PCCB: variants seen among roughly 807,000 people sequenced by gnomAD.
The protein encoded by PCCB is propionyl-CoA carboxylase beta chain, mitochondrial.
A neutral mutation model predicts 60.7 loss-of-function variants in PCCB; 43 were observed. That is an observed-to-expected ratio of 0.71 (90% CI 0.55 to 0.91). The LOEUF (loss-of-function observed/expected upper bound fraction) is 0.91. PCCB is among the 40% of genes least tolerant of loss of function. PCCB has a pLI of 0.00. For synonymous variants in PCCB, 276 were observed against 255.9 expected (o/e 1.08, Z -0.75); for missense variants, 766 against 702.8 (o/e 1.09, Z -1.02).
intron 7 of PCCB, among the ~76,000 whole-genome samples, chr3:136,295,850 T>A (rs1443616728): frequency 6.6e-6 from 1 of 151,966 alleles, no homozygotes; most frequent in Non-Finnish European, 1.5e-5. Context: ...TTTTTTTTTT[T>A]ACTTGACAGC....
chr3:136,285,381 G>A (rs898504643), intron 6 of PCCB, among the ~76,000 whole-genome samples: 4 of 151,652 alleles, frequency 2.6e-5, no homozygotes, highest in Admixed American at 6.6e-5. Context: ...CAGTCTGTCC[G>A]TTGGTACTAG....
chr3:136,324,567 G>A (rs1326846297), intron 10 of PCCB, among the ~76,000 whole-genome samples: 1 of 150,676 alleles, frequency 6.6e-6, no homozygotes, highest in African/African-American at 2.5e-5. Flanking sequence ...GGGTGCTTTT[G>A]AATGCACTAA....
intron 6 of PCCB, among the ~76,000 whole-genome samples, chr3:136,289,556 A>G (rs139746239): frequency 1.0e-3 from 153 of 152,102 alleles, no homozygotes; most frequent in African/African-American, 3.2e-3. Flanking sequence ...GACATCCCTT[A>G]TAGTTGTGTC....
chr3:136,297,979 ATGT>A lies in PCCB; in HGVS notation c.794_796del (p.Val265del). 1 of 1,614,134 alleles carries A rather than the reference ATGT, an allele frequency of 6.2e-7. No individual in the cohort carries two copies. Among genetic ancestry groups the A allele is most frequent in the Non-Finnish European group, 8.5e-7 (1 of 1,179,968 alleles). ...GTGGCCCACAGAGCTTTTGAAAATG[ATGT>A]TGATGCCTTGTGTAATCTCCGGGAT... On this transcript the variant is annotated inframe_deletion, in exon 8 of 15. Coordinates refer to ENST00000251654, the MANE Select transcript of PCCB (RefSeq NM_000532.5).
chr3:136,289,750 CTA>C (rs1933588306), intron 6 of PCCB, among the ~76,000 whole-genome samples: 1 of 141,418 alleles, frequency 7.1e-6, no homozygotes, highest in African/African-American at 2.8e-5. Flanking sequence ...ATTGAGCATT[CTA>C]TATGATTCCA....
At chr3:136,260,047 C>T (rs915459829) in intron 3 of PCCB, 6 of 264,136 alleles carry the variant, frequency 2.3e-5, no homozygotes, top group South Asian at 8.5e-5. Context: ...CCACCATGCC[C>T]GGGCAACTTT....
chr3:136,317,384 A>G lies in PCCB; in HGVS notation c.1090+320A>G, dbSNP rs1291921. Reference sequence around the variant, plus strand: ...CTACAGGCACATACCACCATACCTGACTAATTTTCTTTTTTTGTATTTTTG... The same window carrying G: ...CTACAGGCACATACCACCATACCTGGCTAATTTTCTTTTTTTGTATTTTTG... On this transcript the variant is annotated intron_variant, in intron 10 of 14. Coordinates refer to ENST00000251654, the MANE Select transcript of PCCB (RefSeq NM_000532.5). Among the ~76,000 whole-genome samples, 110,816 of 151,170 alleles carry G rather than the reference A, an allele frequency of 0.73. 40,768 individuals carry two copies. Among genetic ancestry groups the G allele is most frequent in the East Asian group, 0.86 (4,419 of 5,110 alleles).
intron 9 of PCCB, among the ~76,000 whole-genome samples, chr3:136,306,164 A>G (rs1934446400): frequency 8.1e-6 from 1 of 123,194 alleles, no homozygotes. Flanking sequence ...CTACAATAAG[A>G]AAACAAAAAG....
chr3:136,325,801 C>T (rs116668172), intron 10 of PCCB, among the ~76,000 whole-genome samples: 463 of 152,020 alleles, frequency 3.0e-3, no homozygotes, highest in African/African-American at 9.7e-3. Context: ...GGGATAAACC[C>T]CACTTGGACA....
At chr3:136,313,607 A>G (rs1366108025) in intron 9 of PCCB, among the ~76,000 whole-genome samples, 3 of 152,336 alleles carry the variant, frequency 2.0e-5, no homozygotes, top group East Asian at 1.9e-4. Flanking sequence ...GGGATGGGGA[A>G]GGAACACTAT....
intron 5 of PCCB, among the ~76,000 whole-genome samples, chr3:136,269,477 T>C (rs999553093): frequency 1.3e-5 from 2 of 152,224 alleles, no homozygotes; most frequent in Non-Finnish European, 2.9e-5. Context: ...TCATGTCTTC[T>C]GCAAATAGAG....
chr3:136,297,665 G>C (rs1054904895), intron 7 of PCCB, among the ~76,000 whole-genome samples: 2 of 152,312 alleles, frequency 1.3e-5, no homozygotes, highest in South Asian at 4.1e-4. Context: ...TGAAGGATCT[G>C]GGAGTGGGTA....
At chr3:136,265,634 G>A (rs975755013) in intron 5 of PCCB, among the ~76,000 whole-genome samples, 29 of 152,230 alleles carry the variant, frequency 1.9e-4, no homozygotes, top group African/African-American at 6.7e-4. Flanking sequence ...GTGGATATAT[G>A]TTTTCATAAC....
At chr3:136,328,684 C>A in intron 13 of PCCB, 74 bp from the exon 14 acceptor site, 2 of 1,199,900 alleles carry the variant, frequency 1.7e-6, no homozygotes, top group Non-Finnish European at 2.5e-6. Flanking sequence ...CACCCACACA[C>A]AGTGATAATG....
At chr3:136,264,874 CA>C (rs1167305370) in intron 5 of PCCB, among the ~76,000 whole-genome samples, 2,289 of 76,564 alleles carry the variant, frequency 0.03, 23 homozygotes, top group African/African-American at 0.062. Context: ...GACTCCGTCT[CA>C]AAAAAAAAAA....
At chr3:136,288,793 A>AT (rs968737170) in intron 6 of PCCB, among the ~76,000 whole-genome samples, 3 of 151,886 alleles carry the variant, frequency 2.0e-5, no homozygotes, top group Non-Finnish European at 2.9e-5. Flanking sequence ...CACCTGGCTA[A>AT]TTTTTTATTT....
chr3:136,321,611 A>G (rs1008083260), intron 10 of PCCB, among the ~76,000 whole-genome samples: 1 of 152,058 alleles, frequency 6.6e-6, no homozygotes, highest in Non-Finnish European at 1.5e-5. Flanking sequence ...CGTGAGGAAA[A>G]CCACCCCCAT....
chr3:136,261,728 T>C (rs1390744362), intron 4 of PCCB, among the ~76,000 whole-genome samples: 1 of 152,224 alleles, frequency 6.6e-6, no homozygotes, highest in Non-Finnish European at 1.5e-5. Context: ...TGGGAAGTGC[T>C]TTGGCTCTTG....
At chr3:136,299,474 G>A (rs1163525164) in intron 8 of PCCB, among the ~76,000 whole-genome samples, 2 of 150,834 alleles carry the variant, frequency 1.3e-5, no homozygotes, top group Non-Finnish European at 3.0e-5. Context: ...GTATAGGTAT[G>A]CATGTGTATG....
Sources: allele counts gnomAD v4.1 joint callset (sites outside exome capture counted in the v4.1 genomes callset), GRCh38; gene constraint gnomAD v4.1.1; transcripts MANE v1.5; gene names NCBI Gene and HGNC (gene_info 2026-07-23, HGNC 2026-07-21).